NFATC3: variants seen among roughly 807,000 people sequenced by gnomAD.
NFATC3 encodes the protein nuclear factor of activated T-cells, cytoplasmic 3.
Under a neutral mutation model 98.6 loss-of-function variants are expected in NFATC3, and 46 were observed. The observed-to-expected ratio is 0.47, with a 90% CI of 0.37 to 0.60. The LOEUF (loss-of-function observed/expected upper bound fraction) is 0.60, where lower values mean the gene tolerates loss of function less well. Ranked by LOEUF, NFATC3 falls within the 20% of genes least tolerant of loss-of-function variation. NFATC3 has a pLI of 0.00. For missense variants in NFATC3, 1,256 were observed against 1,295.5 expected, an observed-to-expected ratio of 0.97 and a Z score of 0.47; for synonymous variants, 512 against 472.2, an observed-to-expected ratio of 1.08 and a Z score of -1.09.
At chr16:68,142,334 G>A (rs2037796933) in intron 3 of NFATC3, among the ~76,000 whole-genome samples, 3 of 152,072 alleles carry the variant, frequency 2.0e-5, no homozygotes, top group Non-Finnish European at 4.4e-5. Flanking sequence ...TACTTTTGTT[G>A]TAGCTATTGT....
At position 68,121,972 on chromosome 16, in the gene NFATC3, C is replaced by A; in HGVS notation, c.104-15C>A. On this transcript the variant is annotated splice_polypyrimidine_tract_variant and intron_variant, in intron 1 of 9. Transcript: ENST00000346183. Reference sequence around the variant, plus strand: ...GTTTTGTTGGGTTTTTTTTTTTTTGCCTTCCTCCCCGTAGATCTTGAGCCA... The same window carrying A: ...GTTTTGTTGGGTTTTTTTTTTTTTGACTTCCTCCCCGTAGATCTTGAGCCA... The A allele has an allele frequency of 7.0e-7, 1 of 1,425,844 alleles. No individual in the cohort carries two copies. Among genetic ancestry groups the A allele is most frequent in the Non-Finnish European group, 9.2e-7 (1 of 1,088,372 alleles). 88.3% of individuals were successfully genotyped at this position (1,425,844 alleles called of 1,614,324 possible). A position where few individuals can be genotyped will look rare whatever the true frequency, so the allele number is the denominator to read the frequency against.
chr16:68,215,337 G>T (rs1012468937), intron 9 of NFATC3, among the ~76,000 whole-genome samples: 1 of 152,204 alleles, frequency 6.6e-6, no homozygotes, highest in Non-Finnish European at 1.5e-5. Flanking sequence ...AAACTCTCAG[G>T]AGAGTTATAA....
At chr16:68,098,716 T>C (rs2035177587) in intron 1 of NFATC3, among the ~76,000 whole-genome samples, 1 of 152,222 alleles carries the variant, frequency 6.6e-6, no homozygotes, top group South Asian at 2.1e-4. Flanking sequence ...AGATAGTCTT[T>C]TTAATTTTAG....
At position 68,191,305 on chromosome 16, in the gene NFATC3, T is replaced by A; in HGVS notation, c.2636T>A (p.Leu879Gln). ...CATTCTGTGCATACCCTGCCTCATC[T>A]GCAATCAATGGGATATCATTGTTCA... ...TPHSVHTLPHLQSMGYHCSNT... is the reference protein window; with the variant it reads ...TPHSVHTLPHQQSMGYHCSNT... The change falls in exon 9 of 10, where the codon CTG (leucine) becomes CAG (glutamine). Residue 879 changes from leucine to glutamine, a missense_variant. Around this residue, in one of 3 missense-constraint regions of NFATC3, gnomAD observed 636 missense variants for 617.3 expected, o/e 1.03. Coordinates refer to ENST00000346183, the MANE Select transcript of NFATC3 (RefSeq NM_173165.3). 1.9e-6 allele frequency: 3 copies of A among 1,614,234 alleles called. No individual in the cohort carries two copies. The highest frequency in any genetic ancestry group is 2.5e-6 in the Non-Finnish European group (3 of 1,180,044).
chr16:68,198,820 G>A (rs949905139), intron 9 of NFATC3, among the ~76,000 whole-genome samples: 2 of 152,124 alleles, frequency 1.3e-5, no homozygotes, highest in South Asian at 2.1e-4. Flanking sequence ...AGGCCAAGGC[G>A]GGCAGATCAT....
Position 68,122,884 on chromosome 16 carries a change from C to G in NFATC3, c.1001C>G (p.Thr334Ser). The G allele has an allele frequency of 6.2e-7, 1 of 1,614,180 alleles. No individual in the cohort carries two copies. The highest frequency in any genetic ancestry group is 8.5e-7 in the Non-Finnish European group (1 of 1,180,028). ...AVFPFQYCVE[T>S]DIPLKTRKTS... ...TTTCCATTTCAGTACTGTGTAGAGA[C>G]TGACATCCCTCTCAAAACAAGGAAA... The change falls in exon 2 of 10, where the codon ACT becomes AGT. Residue 334 changes from threonine (T) to serine (S), a missense_variant. Physicochemically the swap from Thr to Ser is moderately conservative, Grantham distance 58. Around this residue, in one of 3 missense-constraint regions of NFATC3, gnomAD observed 464 missense variants for 465.7 expected, o/e 1.00. Transcript: ENST00000346183.
Position 68,151,241 on chromosome 16 carries a change from A to G in NFATC3, c.1402-6628A>G, listed in dbSNP as rs373527199. On this transcript the variant is annotated intron_variant, in intron 3 of 9. Transcript: ENST00000346183. ...CCTTGATAATGACTATAGAAGACAC[A>G]GTGAAGTAGTTGGACGCTTACACAT... Among the ~76,000 whole-genome samples, 14 of 152,254 alleles carry G rather than the reference A, an allele frequency of 9.2e-5. No homozygotes were observed. The South Asian group carries it at 2.5e-3, about 27-fold the overall frequency.
At chr16:68,119,479 G>C (rs74024145) in intron 1 of NFATC3, among the ~76,000 whole-genome samples, 34,702 of 151,814 alleles carry the variant, frequency 0.23, 4,468 homozygotes, top group African/African-American at 0.34. Context: ...CTGACCACCC[G>C]TAGCTCTCAT....
At chr16:68,155,966 C>A (rs1334593786) in intron 3 of NFATC3, among the ~76,000 whole-genome samples, 1 of 151,966 alleles carries the variant, frequency 6.6e-6, no homozygotes, top group African/African-American at 2.4e-5. Context: ...AGGTGGATTC[C>A]GTATACATGA....
intron 3 of NFATC3, 42 bp from the exon 4 acceptor site, chr16:68,157,827 G>A (rs2038696699): frequency 6.6e-7 from 1 of 1,515,134 alleles, no homozygotes; most frequent in Non-Finnish European, 9.1e-7. Flanking sequence ...AAAATGCATG[G>A]ATAATGAATT....
chr16:68,201,957 CAAAAAA>C (rs778770193), intron 9 of NFATC3, among the ~76,000 whole-genome samples: 4 of 23,638 alleles, frequency 1.7e-4, no homozygotes, highest in African/African-American at 3.2e-4. Context: ...GACTCCATCT[CAAAAAA>C]AAAAAAAAAA....
intron 6 of NFATC3, among the ~76,000 whole-genome samples, chr16:68,180,665 G>A (rs538409257): frequency 1.3e-5 from 2 of 151,880 alleles, no homozygotes; most frequent in South Asian, 2.1e-4. Context: ...CCCACCCCAC[G>A]ACAGGCCCCA....
chr16:68,166,773 C>A, intron 4 of NFATC3, 70 bp from the exon 5 acceptor site: 1 of 1,209,396 alleles, frequency 8.3e-7, no homozygotes. Flanking sequence ...TTAACAATTT[C>A]TATGTAGTTG....
At chr16:68,221,259 CA>C in intron 9 of NFATC3, 1 of 1,614,052 alleles carries the variant, frequency 6.2e-7, no homozygotes, top group Non-Finnish European at 8.5e-7. Flanking sequence ...CCAGTCCCAG[CA>C]GGAAGATATC....
chr16:68,174,522 A>G lies in NFATC3; in HGVS notation c.1915+8A>G. On this transcript the variant is annotated splice_region_variant and intron_variant, in intron 6 of 9. Coordinates refer to ENST00000346183, the MANE Select transcript of NFATC3 (RefSeq NM_173165.3). ...TTCTTGAAAAAGGACAAGGTAAGTAATATATGAGTTGATTGACTTCAAACT... is the reference window on the plus strand; with the variant it reads ...TTCTTGAAAAAGGACAAGGTAAGTAGTATATGAGTTGATTGACTTCAAACT... 6.4e-7 allele frequency: 1 copy of G among 1,570,596 alleles called. No homozygotes were observed. The highest frequency in any genetic ancestry group is 8.6e-7 in the Non-Finnish European group (1 of 1,160,536).
chr16:68,131,710 A>G (rs2037124314), intron 3 of NFATC3, among the ~76,000 whole-genome samples: 1 of 150,686 alleles, frequency 6.6e-6, no homozygotes, highest in South Asian at 2.1e-4. Context: ...TTGGTCTTGA[A>G]CTCCTGGAGT....
At chr16:68,166,784 A>G (rs2039220341) in intron 4 of NFATC3, 59 bp from the exon 5 acceptor site, 1 of 1,316,700 alleles carries the variant, frequency 7.6e-7, no homozygotes, top group Admixed American at 2.5e-5. Flanking sequence ...TATGTAGTTG[A>G]GTTGTTTATA....
chr16:68,154,251 C>G (rs1021925207), intron 3 of NFATC3, among the ~76,000 whole-genome samples: 1 of 152,132 alleles, frequency 6.6e-6, no homozygotes, highest in African/African-American at 2.4e-5. Context: ...TACCATCATT[C>G]TCCTGGGTAC....
At chr16:68,215,405 A>G (rs2041594046) in intron 9 of NFATC3, among the ~76,000 whole-genome samples, 2 of 152,242 alleles carry the variant, frequency 1.3e-5, no homozygotes, top group African/African-American at 4.8e-5. Flanking sequence ...TTGCAGAAGG[A>G]TTAGTTAAGT....
Sources: allele counts gnomAD v4.1 joint callset (sites outside exome capture counted in the v4.1 genomes callset), GRCh38; gene constraint gnomAD v4.1.1; regional missense constraint gnomAD v4.1.1; transcripts MANE v1.5; gene names NCBI Gene and HGNC (gene_info 2026-07-23, HGNC 2026-07-21).